RALGPS2: variants seen among roughly 807,000 people sequenced by gnomAD.
The protein encoded by RALGPS2 is ras-specific guanine nucleotide-releasing factor RalGPS2.
RALGPS2 carries 43 observed loss-of-function variants against 86.8 expected under a neutral mutation model. The observed-to-expected ratio is 0.50, with a 90% confidence interval of 0.39 to 0.64. The LOEUF (loss-of-function observed/expected upper bound fraction) is 0.64. RALGPS2 is among the 30% of genes least tolerant of loss of function. The probability of loss-of-function intolerance (pLI) is 0.00; values close to 1 mark genes in which losing one functional copy is unlikely to be tolerated. For synonymous variants in RALGPS2, 243 were observed against 231.3 expected, an observed-to-expected ratio of 1.05 and a Z score of -0.46; for missense variants, 536 against 694.6, an observed-to-expected ratio of 0.77 and a Z score of 2.57.
chr1:178,804,253 CTTT>C (rs11302348), intron 4 of RALGPS2, among the ~76,000 whole-genome samples: 1 of 132,116 alleles, frequency 7.6e-6, no homozygotes, highest in Non-Finnish European at 1.6e-5. Flanking sequence ...GCTGTTTCTT[CTTT>C]TTTTTTTTTT....
intron 4 of RALGPS2, among the ~76,000 whole-genome samples, chr1:178,797,798 A>T (rs1451114398): frequency 1.3e-5 from 2 of 151,950 alleles, no homozygotes; most frequent in African/African-American, 4.8e-5. Flanking sequence ...CACCACAAAG[A>T]TCTCTCCCTG....
At chr1:178,859,098 A>T (rs1049619224) in intron 8 of RALGPS2, among the ~76,000 whole-genome samples, 1 of 152,038 alleles carries the variant, frequency 6.6e-6, no homozygotes, top group South Asian at 2.1e-4. Context: ...TGAATTACTT[A>T]GTTTATTAAT....
At chr1:178,914,468 G>T (rs567020552) in intron 19 of RALGPS2, among the ~76,000 whole-genome samples, 1 of 152,218 alleles carries the variant, frequency 6.6e-6, no homozygotes, top group African/African-American at 2.4e-5. Flanking sequence ...ACAGCCCTGT[G>T]CAGGGTTCCT....
At position 178,863,657 on chromosome 1, in the gene RALGPS2, A is replaced by G. The variant is rs371213767; in HGVS notation, c.608-13841A>G. On this transcript the variant is annotated intron_variant, in intron 8 of 19. Transcript: ENST00000367635. ...TTTGGTTAAATCAGGAGGGAGAGCT[A>G]CATTCAGGAATCATCTGAGCAGTGG... Among the ~76,000 whole-genome samples, 60 of 152,244 alleles carry G rather than the reference A, an allele frequency of 3.9e-4. No homozygotes were observed. In the South Asian group the frequency reaches 0.012, roughly 30 times the overall value.
At chr1:178,747,041 A>G (rs1651375216) in intron 1 of RALGPS2, 2 of 879,814 alleles carry the variant, frequency 2.3e-6, no homozygotes, top group Non-Finnish European at 3.9e-6. Context: ...ATAGCCATGT[A>G]TGAGAATCTC....
At chr1:178,807,735 G>T (rs1654809177) in intron 4 of RALGPS2, among the ~76,000 whole-genome samples, 1 of 152,138 alleles carries the variant, frequency 6.6e-6, no homozygotes, top group South Asian at 2.1e-4. Flanking sequence ...ACTGTATGTT[G>T]TGGGATGCTC....
At chr1:178,776,476 A>T (rs6662050) in intron 1 of RALGPS2, among the ~76,000 whole-genome samples, 13,543 of 152,208 alleles carry the variant, frequency 0.089, 652 homozygotes, top group African/African-American at 0.13. Context: ...TAACAATAAC[A>T]TCTATTGAAT....
chr1:178,790,484 G>A (rs1653898768), intron 4 of RALGPS2, among the ~76,000 whole-genome samples: 1 of 152,174 alleles, frequency 6.6e-6, no homozygotes, highest in Non-Finnish European at 1.5e-5. Flanking sequence ...GTATTGGTCT[G>A]TATCATTCCT....
In RALGPS2 at chr1:178,917,205, A is replaced by G. The variant is rs1660844836; in HGVS notation, c.*846A>G. 1 of 152,188 alleles carries G rather than the reference A, an allele frequency of 6.6e-6. No individual in the cohort carries two copies. Among genetic ancestry groups the G allele is most frequent in the South Asian group, 2.1e-4 (1 of 4,830 alleles). The allele number at this position is 152,188 out of a possible 1,614,324, so 9.4% of individuals were successfully genotyped here. A position where few individuals can be genotyped will look rare whatever the true frequency, so the allele number is the denominator to read the frequency against. On this transcript the variant is annotated 3_prime_UTR_variant, in exon 20 of 20. Coordinates refer to ENST00000367635, the MANE Select transcript of RALGPS2 (RefSeq NM_152663.5). Reference sequence around the variant, plus strand: ...TGTTGGACCACAGATCTGCTTAAGTAAAGAGCTATAATCCCAACCTAAACT... The same window carrying G: ...TGTTGGACCACAGATCTGCTTAAGTGAAGAGCTATAATCCCAACCTAAACT...
At chr1:178,801,490 G>A (rs58715481) in intron 4 of RALGPS2, among the ~76,000 whole-genome samples, 23,078 of 152,008 alleles carry the variant, frequency 0.15, 2,037 homozygotes, top group East Asian at 0.31. Flanking sequence ...AAATAAGGAA[G>A]CCAGACAAAA....
chr1:178,770,009 C>T (rs980780854), intron 1 of RALGPS2, among the ~76,000 whole-genome samples: 15 of 142,902 alleles, frequency 1.0e-4, no homozygotes, highest in East Asian at 4.0e-4. Flanking sequence ...CTTACAGAGT[C>T]GATTGCTTCT....
intron 7 of RALGPS2, among the ~76,000 whole-genome samples, chr1:178,824,680 G>A (rs1255466670): frequency 6.6e-6 from 1 of 152,088 alleles, no homozygotes. Context: ...GTGGTGATGG[G>A]CGCCTGTAGT....
At chr1:178,770,723 C>A (rs1244967181) in intron 1 of RALGPS2, among the ~76,000 whole-genome samples, 2 of 150,314 alleles carry the variant, frequency 1.3e-5, no homozygotes, top group Admixed American at 6.6e-5. Context: ...GTGATCCATC[C>A]ACTTCAGCCT....
chr1:178,845,190 G>C (rs1305171005), intron 8 of RALGPS2, among the ~76,000 whole-genome samples: 1 of 151,990 alleles, frequency 6.6e-6, no homozygotes, highest in African/African-American at 2.4e-5. Context: ...AGTAGAAGCA[G>C]AATGTAACAG....
chr1:178,895,133 T>C (rs1342992626), intron 16 of RALGPS2, among the ~76,000 whole-genome samples: 1 of 152,068 alleles, frequency 6.6e-6, no homozygotes, highest in African/African-American at 2.4e-5. Context: ...TTCTTCTTCC[T>C]CAACACCAGC....
chr1:178,734,152 C>G (rs575125388), intron 1 of RALGPS2, among the ~76,000 whole-genome samples: 6 of 152,220 alleles, frequency 3.9e-5, no homozygotes, highest in African/African-American at 1.4e-4. Context: ...AAATCAAAAC[C>G]GCAGTGAGAT....
At chr1:178,782,757 G>C (rs1019777362) in intron 2 of RALGPS2, among the ~76,000 whole-genome samples, 23 of 151,998 alleles carry the variant, frequency 1.5e-4, no homozygotes, top group African/African-American at 5.6e-4. Context: ...TGTAAGAAGA[G>C]ATTTCTAGGG....
chr1:178,885,219 T>C lies in RALGPS2; in HGVS notation c.1040+8T>C. On this transcript the variant is annotated splice_region_variant and intron_variant, in intron 12 of 19. Transcript: ENST00000367635. Reference sequence around the variant, plus strand: ...CCATAGTTTGGGTTATAAGTCAGCATTTTTAATTTTATCTTTCAAATTTTT... The same window carrying C: ...CCATAGTTTGGGTTATAAGTCAGCACTTTTAATTTTATCTTTCAAATTTTT... 1 of 1,600,956 alleles carries C rather than the reference T, an allele frequency of 6.2e-7. No individual in the cohort carries two copies. Among genetic ancestry groups the C allele is most frequent in the Non-Finnish European group, 8.5e-7 (1 of 1,175,968 alleles).
intron 8 of RALGPS2, among the ~76,000 whole-genome samples, chr1:178,874,732 G>T (rs1219257393): frequency 6.6e-6 from 1 of 152,124 alleles, no homozygotes; most frequent in African/African-American, 2.4e-5. Flanking sequence ...GTCATAAGTT[G>T]ACTGGTCTTT....
Sources: allele counts gnomAD v4.1 joint callset (sites outside exome capture counted in the v4.1 genomes callset), GRCh38; gene constraint gnomAD v4.1.1; transcripts MANE v1.5; gene names NCBI Gene and HGNC (gene_info 2026-07-23, HGNC 2026-07-21).